The following CTNNA3 variants were observed in gnomAD, a reference collection of about 807,000 sequenced individuals.
CTNNA3 encodes the protein catenin alpha 3.
CTNNA3 carries 76 observed loss-of-function variants against 95.7 expected under a neutral mutation model. The ratio of observed to expected loss-of-function variants is 0.79; its 90% CI spans 0.66 to 0.96. CTNNA3 has a LOEUF of 0.96. Among genes scored for constraint, CTNNA3 ranks in the 40% least tolerant of loss-of-function variants. CTNNA3 has a pLI of 0.00. For synonymous variants in CTNNA3, 431 were observed against 374.4 expected, an observed-to-expected ratio of 1.15 and a Z score of -1.74; for missense variants, 1,191 against 1,089.8, an observed-to-expected ratio of 1.09 and a Z score of -1.31.
At chr10:66,367,650 A>G (rs1157477424) in intron 12 of CTNNA3, among the ~76,000 whole-genome samples, 1 of 149,664 alleles carries the variant, frequency 6.7e-6, no homozygotes. Flanking sequence ...ATGAACAAAT[A>G]CAAAAAGTTA....
At chr10:66,602,914 T>G (rs377122577) in intron 10 of CTNNA3, among the ~76,000 whole-genome samples, 3 of 152,128 alleles carry the variant, frequency 2.0e-5, no homozygotes, top group African/African-American at 7.2e-5. Flanking sequence ...GATAAAAATC[T>G]TCAACAAATT....
intron 5 of CTNNA3, among the ~76,000 whole-genome samples, chr10:67,500,621 G>A (rs1294682061): frequency 6.6e-6 from 1 of 152,172 alleles, no homozygotes; most frequent in Non-Finnish European, 1.5e-5. Flanking sequence ...CGTATTGGGT[G>A]CATATATACT....
Position 67,561,550 on chromosome 10 carries a change from T to A in CTNNA3, c.293-21881A>T, listed in dbSNP as rs1403159769. 2.2e-5 allele frequency among the ~76,000 whole-genome samples: 3 copies of A among 135,578 alleles called. No individual in the cohort carries two copies. The East Asian group carries it at 6.4e-4, about 29-fold the overall frequency. The allele number at this position is 135,578 out of a possible 152,430, so 88.9% of individuals were successfully genotyped here. On this transcript the variant is annotated intron_variant, in intron 3 of 17. Coordinates refer to ENST00000433211, the MANE Select transcript of CTNNA3 (RefSeq NM_013266.4). ...AGAGAAAGCAGGAAAGACCTAAAAT[T>A]GACACCCTAACATCACAATTAAAAG...
chr10:66,500,576 G>A (rs772182268), intron 11 of CTNNA3, among the ~76,000 whole-genome samples: 3 of 152,074 alleles, frequency 2.0e-5, no homozygotes, highest in Non-Finnish European at 4.4e-5. Context: ...GTTAGGTGAA[G>A]AGTATTTATA....
chr10:67,436,851 G>A (rs1260921277), intron 5 of CTNNA3, among the ~76,000 whole-genome samples: 2 of 152,128 alleles, frequency 1.3e-5, no homozygotes, highest in African/African-American at 2.4e-5. Flanking sequence ...GCGGTGATCA[G>A]GGAACACTTC....
At chr10:66,406,080 A>T (rs952664923) in intron 11 of CTNNA3, among the ~76,000 whole-genome samples, 5 of 151,148 alleles carry the variant, frequency 3.3e-5, no homozygotes, top group African/African-American at 1.2e-4. Flanking sequence ...CAAGAAGAAT[A>T]AAAAAAGGAT....
At chr10:66,507,336 T>C (rs2131980975) in intron 11 of CTNNA3, among the ~76,000 whole-genome samples, 1 of 152,270 alleles carries the variant, frequency 6.6e-6, no homozygotes, top group Non-Finnish European at 1.5e-5. Flanking sequence ...CTCAAGTCAT[T>C]ATCATTTGTT....
At chr10:67,085,267 A>G (rs1421851381) in intron 7 of CTNNA3, among the ~76,000 whole-genome samples, 1 of 151,946 alleles carries the variant, frequency 6.6e-6, no homozygotes, top group Non-Finnish European at 1.5e-5. Flanking sequence ...TGATCACATA[A>G]TAGTAATCAA....
chr10:67,461,152 T>C (rs574553703), intron 5 of CTNNA3, among the ~76,000 whole-genome samples: 12 of 152,288 alleles, frequency 7.9e-5, no homozygotes, highest in African/African-American at 2.9e-4. Context: ...AAACAAGCAC[T>C]TTCCTGAACA....
intron 9 of CTNNA3, among the ~76,000 whole-genome samples, chr10:66,753,292 C>T (rs1839233710): frequency 6.6e-6 from 1 of 152,192 alleles, no homozygotes; most frequent in South Asian, 2.1e-4. Context: ...TATATACAGC[C>T]CTTTCATGGA....
At chr10:67,333,955 T>C (rs1376695753) in intron 5 of CTNNA3, among the ~76,000 whole-genome samples, 1 of 152,194 alleles carries the variant, frequency 6.6e-6, no homozygotes, top group Admixed American at 6.5e-5. Flanking sequence ...CATAAGGACA[T>C]TGAGGAAATA....
intron 11 of CTNNA3, among the ~76,000 whole-genome samples, chr10:66,447,240 G>T (rs780585184): frequency 1.1e-4 from 16 of 152,076 alleles, no homozygotes; most frequent in Non-Finnish European, 2.1e-4. Flanking sequence ...CGTGAAAATG[G>T]CCATACTGGC....
chr10:66,444,417 C>A (rs2093401604), intron 11 of CTNNA3, among the ~76,000 whole-genome samples: 1 of 152,048 alleles, frequency 6.6e-6, no homozygotes, highest in African/African-American at 2.4e-5. Context: ...GTAAGGGCAG[C>A]CAGAGAGAAA....
chr10:66,428,970 T>A (rs2093270106), intron 11 of CTNNA3, among the ~76,000 whole-genome samples: 2 of 151,788 alleles, frequency 1.3e-5, no homozygotes, highest in East Asian at 1.9e-4. Context: ...CAGGAGCTGG[T>A]TTTTTGAAAA....
chr10:66,864,126 T>C (rs1314823403), intron 7 of CTNNA3, among the ~76,000 whole-genome samples: 1 of 152,168 alleles, frequency 6.6e-6, no homozygotes, highest in Non-Finnish European at 1.5e-5. Flanking sequence ...AATAGGCAGA[T>C]AGCTCATATG....
At chr10:66,685,294 T>TAC (rs201397766) in intron 9 of CTNNA3, among the ~76,000 whole-genome samples, 15 of 88,812 alleles carry the variant, frequency 1.7e-4, no homozygotes, top group Non-Finnish European at 2.5e-4. Context: ...AGTATATATA[T>TAC]GTGTGTATAT....
At chr10:66,484,414 A>G (rs1274791482) in intron 11 of CTNNA3, among the ~76,000 whole-genome samples, 1 of 151,992 alleles carries the variant, frequency 6.6e-6, no homozygotes, top group African/African-American at 2.4e-5. Flanking sequence ...TTTTTATTTT[A>G]TATATTTGAA....
At chr10:66,926,903 A>G in intron 7 of CTNNA3, 1 of 1,541,332 alleles carries the variant, frequency 6.5e-7, no homozygotes, top group East Asian at 2.3e-5. Flanking sequence ...AACTTTTCTA[A>G]GTTGTTTTTA....
At chr10:67,090,025 C>A (rs575434793) in intron 7 of CTNNA3, among the ~76,000 whole-genome samples, 1 of 152,128 alleles carries the variant, frequency 6.6e-6, no homozygotes, top group African/African-American at 2.4e-5. Flanking sequence ...TTTCTTTTTG[C>A]ACATTTTGTT....
Sources: gnomAD v4.1 joint callset for allele counts (sites outside exome capture counted in the v4.1 genomes callset) on GRCh38, gnomAD v4.1.1 for gene constraint, MANE v1.5 for transcripts, NCBI Gene and HGNC (gene_info 2026-07-23, HGNC 2026-07-21) for gene names.